COL22A1: variants seen among roughly 807,000 people sequenced by gnomAD.
The protein encoded by COL22A1 is collagen alpha-1(XXII) chain.
A neutral mutation model predicts 248.9 loss-of-function variants in COL22A1; 221 were observed. That is an observed-to-expected ratio of 0.89 (90% confidence interval 0.80 to 0.99). The LOEUF is 0.99. COL22A1 is among the 50% of genes least tolerant of loss of function. The probability of loss-of-function intolerance (pLI) is 0.00; values close to 1 mark genes in which losing one functional copy is unlikely to be tolerated. For missense variants in COL22A1, 2,240 were observed against 2,179.0 expected (o/e 1.03, Z -0.56); for synonymous variants, 891 against 793.4 (o/e 1.12, Z -2.07).
chr8:138,717,606 G>A (rs899169933), intron 27 of COL22A1, among the ~76,000 whole-genome samples: 9 of 151,842 alleles, frequency 5.9e-5, no homozygotes, highest in Non-Finnish European at 8.8e-5. Context: ...TGGGACTATA[G>A]GCACATACCA....
chr8:138,737,589 A>G lies in COL22A1; in HGVS notation c.2086-12T>C, dbSNP rs1207959581. The G allele has an allele frequency of 6.3e-7, 1 of 1,597,518 alleles. No homozygotes were observed. Among genetic ancestry groups the G allele is most frequent in the East Asian group, 2.2e-5 (1 of 44,720 alleles). On this transcript the variant is annotated splice_polypyrimidine_tract_variant and intron_variant, in intron 22 of 64. Transcript: ENST00000303045. ...TCACCTTTCTTCCCCTGAGTGTAAA[A>G]GAAGAAGCTAAAATTAACAAGCAGG...
chr8:138,649,777 T>A lies in COL22A1; in HGVS notation c.3335A>T (p.Asp1112Val), dbSNP rs199619545. Residue 1112 changes from aspartate to valine, a missense_variant and splice_region_variant, in exon 46 of 65, where the codon GAT becomes GTT. Asp to Val is a radical substitution (Grantham distance 152, BLOSUM62 -3). Transcript: ENST00000303045. The stretch of plus-strand genomic sequence containing the variant: ...GCCAGGAGGGCAGTCATTGCACACA[T>A]CCTGAGAGTGGGGAGAGAGGTGGGG... ...SPGDINLLAK[D>V]VCNDCPPGPP... The A allele has an allele frequency of 4.6e-4, 722 of 1,564,544 alleles. No homozygotes were observed. The highest frequency in any genetic ancestry group is 5.6e-4 in the Non-Finnish European group (652 of 1,156,882).
At chr8:138,619,194 C>A (rs1267632742) in intron 53 of COL22A1, among the ~76,000 whole-genome samples, 1 of 152,074 alleles carries the variant, frequency 6.6e-6, no homozygotes, top group Non-Finnish European at 1.5e-5. Context: ...CAGAGAAAAC[C>A]CATTGAAATT....
At chr8:138,776,510 C>T (rs533176018) in intron 15 of COL22A1, among the ~76,000 whole-genome samples, 2 of 152,088 alleles carry the variant, frequency 1.3e-5, no homozygotes, top group African/African-American at 4.8e-5. Flanking sequence ...TTATCTAGAG[C>T]AGCACCTAGA....
rs75066675 is a variant in COL22A1 at position 138,625,147 on chromosome 8, C to T, written c.3717+1043G>A. ...CGATCACCAGATGAGATAAGCACTC[C>T]GAAGAAAAGGAAGATCGAACCTCTC... On this transcript the variant is annotated intron_variant, in intron 51 of 64. Transcript: ENST00000303045. Among the ~76,000 whole-genome samples, 794 of 152,134 alleles carry T rather than the reference C, an allele frequency of 5.2e-3. 5 individuals carry two copies. Among genetic ancestry groups the T allele is most frequent in the African/African-American group, 0.017 (722 of 41,486 alleles).
chr8:138,739,704 G>T (rs1053999293), intron 22 of COL22A1, among the ~76,000 whole-genome samples: 2 of 152,174 alleles, frequency 1.3e-5, no homozygotes, highest in Non-Finnish European at 2.9e-5. Flanking sequence ...TGAGAACTAT[G>T]CAGTCCCAAG....
At chr8:138,684,633 A>G (rs1826201999) in intron 38 of COL22A1, among the ~76,000 whole-genome samples, 164 bp from the exon 39 acceptor site, 1 of 152,086 alleles carries the variant, frequency 6.6e-6, no homozygotes, top group Non-Finnish European at 1.5e-5. Context: ...TTTGAGCCAC[A>G]AGGCCCTGGA....
chr8:138,875,107 C>T (rs1294234849), intron 3 of COL22A1, among the ~76,000 whole-genome samples: 1 of 152,146 alleles, frequency 6.6e-6, no homozygotes, highest in African/African-American at 2.4e-5. Context: ...ACAGAGGAAC[C>T]TGGAAATGGA....
chr8:138,810,346 G>T (rs959180352), intron 9 of COL22A1, among the ~76,000 whole-genome samples: 19 of 152,210 alleles, frequency 1.2e-4, no homozygotes, highest in Non-Finnish European at 2.5e-4. Context: ...CCTGCTCATT[G>T]CTTTAAACAA....
intron 3 of COL22A1, among the ~76,000 whole-genome samples, chr8:138,850,719 G>A (rs1821574134): frequency 6.6e-6 from 1 of 152,210 alleles, no homozygotes; most frequent in Non-Finnish European, 1.5e-5. Context: ...CAAGGTTGAT[G>A]GGAGGAAGCT....
rs111530953 is a variant in COL22A1, at chr8:138,605,564, G to A, written c.4105-795C>T. Among the ~76,000 whole-genome samples the A allele has an allele frequency of 5.6e-3, 851 of 152,296 alleles. 6 individuals are homozygous for A. Among genetic ancestry groups the A allele is most frequent in the African/African-American group, 0.018 (759 of 41,564 alleles). On this transcript the variant is annotated intron_variant, in intron 58 of 64. Coordinates refer to ENST00000303045, the MANE Select transcript of COL22A1 (RefSeq NM_152888.3). ...GGTAAGAGGGGCTACCACCTCCAAC[G>A]GGCTGGGCTTGGCTGGCAGTGGGGC...
chr8:138,751,949 TG>T (rs1204323391), intron 21 of COL22A1, among the ~76,000 whole-genome samples: 1 of 152,154 alleles, frequency 6.6e-6, no homozygotes, highest in Non-Finnish European at 1.5e-5. Flanking sequence ...TCTGGACAAA[TG>T]AATGAAACTG....
intron 30 of COL22A1, among the ~76,000 whole-genome samples, chr8:138,710,866 A>G (rs1828906332): frequency 1.3e-5 from 2 of 152,138 alleles, no homozygotes; most frequent in African/African-American, 2.4e-5. Context: ...TCCAGAACCA[A>G]TCTCATCTAA....
intron 45 of COL22A1, among the ~76,000 whole-genome samples, chr8:138,654,314 A>T (rs1439942764): frequency 1.3e-5 from 2 of 152,182 alleles, no homozygotes; most frequent in African/African-American, 4.8e-5. Context: ...ATGTCCTTGA[A>T]TGTGGAAAAA....
rs748927720 is a variant in COL22A1 at position 138,878,306 on chromosome 8, A to G, written c.102T>C (p.Ser34=). The part of the protein sequence containing the change: ...GCQAQRAGCK[S]VHYDLVFLLD... Reference sequence around the variant, plus strand: ...GGAGGAAGACCAGATCGTAGTGGACACTTTTGCAACCTGCAGGGGTGAGAG... The same window carrying G: ...GGAGGAAGACCAGATCGTAGTGGACGCTTTTGCAACCTGCAGGGGTGAGAG... The change falls in exon 3 of 65, where the codon AGT becomes AGC. Residue 34 remains serine, a synonymous_variant. Coordinates refer to ENST00000303045, the MANE Select transcript of COL22A1 (RefSeq NM_152888.3). 1.3e-6 allele frequency: 2 copies of G among 1,546,380 alleles called. No individual in the cohort carries two copies. Among genetic ancestry groups the G allele is most frequent in the Non-Finnish European group, 1.7e-6 (2 of 1,143,812 alleles).
intron 51 of COL22A1, among the ~76,000 whole-genome samples, chr8:138,624,801 A>C (rs1235967862): frequency 6.6e-6 from 1 of 152,188 alleles, no homozygotes; most frequent in East Asian, 1.9e-4. Flanking sequence ...ATGCCCAGGA[A>C]ATGCCTTCTT....
At chr8:138,786,746 A>G (rs371005575) in intron 12 of COL22A1, among the ~76,000 whole-genome samples, 4 of 152,224 alleles carry the variant, frequency 2.6e-5, no homozygotes, top group African/African-American at 9.6e-5. Flanking sequence ...TCTACTAAAG[A>G]TACAAAAATT....
At chr8:138,706,062 G>T (rs1828410150) in intron 30 of COL22A1, among the ~76,000 whole-genome samples, 1 of 152,204 alleles carries the variant, frequency 6.6e-6, no homozygotes, top group South Asian at 2.1e-4. Context: ...AATAGTAGAG[G>T]GATCAATTCA....
intron 56 of COL22A1, among the ~76,000 whole-genome samples, chr8:138,609,955 C>T (rs1331432454): frequency 6.6e-6 from 1 of 152,170 alleles, no homozygotes; most frequent in African/African-American, 2.4e-5. Flanking sequence ...CCACAGTTCC[C>T]CTTTTCAACC....
Sources: allele counts gnomAD v4.1 joint callset (sites outside exome capture counted in the v4.1 genomes callset), GRCh38; gene constraint gnomAD v4.1.1; transcripts MANE v1.5; gene names NCBI Gene and HGNC (gene_info 2026-07-23, HGNC 2026-07-21).